The following CDH4 variants were observed in gnomAD, a reference collection of about 807,000 sequenced individuals.
CDH4 encodes cadherin-4.
In CDH4, 33 loss-of-function variants were observed where a neutral mutation model predicts 86.0. That is an observed-to-expected ratio of 0.38 (90% CI 0.29 to 0.51). The LOEUF (loss-of-function observed/expected upper bound fraction) is 0.51. Ranked by LOEUF, CDH4 falls within the 20% of genes least tolerant of loss-of-function variation. CDH4 has a pLI of 0.86. For missense variants in CDH4, 1,114 were observed against 1,307.4 expected (o/e 0.85, Z 2.28); for synonymous variants, 555 against 549.4 (o/e 1.01, Z -0.14).
chr20:61,765,776 A>G (rs1438890579), intron 3 of CDH4, among the ~76,000 whole-genome samples: 2 of 152,148 alleles, frequency 1.3e-5, no homozygotes, highest in Non-Finnish European at 2.9e-5. Context: ...CCAAAGCCCC[A>G]GGTGCCTGTG....
chr20:61,692,001 G>A (rs942660502), intron 2 of CDH4, among the ~76,000 whole-genome samples: 2 of 152,208 alleles, frequency 1.3e-5, no homozygotes, highest in Non-Finnish European at 1.5e-5. Context: ...TTTTTGCCAA[G>A]GACGTAAAAT....
chr20:61,365,859 G>A (rs2084808569), intron 2 of CDH4, among the ~76,000 whole-genome samples: 1 of 152,210 alleles, frequency 6.6e-6, no homozygotes, highest in South Asian at 2.1e-4. Context: ...TTGCTCCTGA[G>A]ATCCAAGGCA....
chr20:61,505,179 G>A (rs1282027385), intron 2 of CDH4, among the ~76,000 whole-genome samples: 1 of 152,154 alleles, frequency 6.6e-6, no homozygotes, highest in Non-Finnish European at 1.5e-5. Flanking sequence ...ATTGTGGGGT[G>A]TTTCACCGTT....
intron 3 of CDH4, 63 bp from the exon 4 acceptor site, chr20:61,772,940 A>G (rs2088792359): frequency 6.8e-7 from 1 of 1,478,854 alleles, no homozygotes; most frequent in East Asian, 2.3e-5. Context: ...AGCAGATGCC[A>G]TTTTCCTCTG....
intron 2 of CDH4, among the ~76,000 whole-genome samples, chr20:61,279,733 C>T (rs2084248654): frequency 6.6e-6 from 1 of 152,158 alleles, no homozygotes; most frequent in Admixed American, 6.5e-5. Flanking sequence ...GCAGTCTGGA[C>T]CTCGATGTGC....
chr20:61,356,000 C>G (rs1286934615), intron 2 of CDH4, among the ~76,000 whole-genome samples: 1 of 152,242 alleles, frequency 6.6e-6, no homozygotes, highest in Non-Finnish European at 1.5e-5. Flanking sequence ...GTTTATCATG[C>G]ACTTGGTTAA....
At chr20:61,523,706 C>T (rs2085889981) in intron 2 of CDH4, among the ~76,000 whole-genome samples, 1 of 152,246 alleles carries the variant, frequency 6.6e-6, no homozygotes, top group Non-Finnish European at 1.5e-5. Flanking sequence ...TTCCGCCGCC[C>T]ATTTAGGGAA....
At chr20:61,720,093 G>A (rs943849035) in intron 2 of CDH4, among the ~76,000 whole-genome samples, 5 of 151,976 alleles carry the variant, frequency 3.3e-5, no homozygotes, top group Non-Finnish European at 1.5e-5. Flanking sequence ...GGGGGTTGGG[G>A]AGTGCCGCCT....
At chr20:61,266,563 G>A (rs762280378) in intron 2 of CDH4, among the ~76,000 whole-genome samples, 20 of 151,826 alleles carry the variant, frequency 1.3e-4, no homozygotes, top group Non-Finnish European at 2.6e-4. Context: ...CCCGACTTCC[G>A]CTTCCAGGAA....
chr20:61,453,481 A>C (rs1320956526), intron 2 of CDH4, among the ~76,000 whole-genome samples: 1 of 152,032 alleles, frequency 6.6e-6, no homozygotes, highest in Non-Finnish European at 1.5e-5. Context: ...TGGGAGGAGG[A>C]TGCTATTACC....
At chr20:61,535,999 C>T (rs1014599212) in intron 2 of CDH4, among the ~76,000 whole-genome samples, 1 of 152,168 alleles carries the variant, frequency 6.6e-6, no homozygotes. Context: ...ACCCAGCAGA[C>T]CCCACACTGC....
chr20:61,743,198 G>T (rs983731759), intron 2 of CDH4, among the ~76,000 whole-genome samples: 3 of 152,196 alleles, frequency 2.0e-5, no homozygotes, highest in East Asian at 1.9e-4. Flanking sequence ...AGGCAAGAGT[G>T]GGGGGAACTG....
chr20:61,709,565 T>C lies in CDH4; in HGVS notation c.170-33998T>C, dbSNP rs1305515051. On this transcript the variant is annotated intron_variant, in intron 2 of 15. Coordinates refer to ENST00000614565, the MANE Select transcript of CDH4 (RefSeq NM_001794.5). This position sits in a 1 kb window ranked among gnomAD's most constrained non-coding sequence, Gnocchi z 4.8. ...TGCTGGGATTACAGGCATGAGCCACTGTGCCTGGCAATTTTTGAATGACAA... is the reference window on the plus strand; with the variant it reads ...TGCTGGGATTACAGGCATGAGCCACCGTGCCTGGCAATTTTTGAATGACAA... Among the ~76,000 whole-genome samples the C allele has an allele frequency of 6.6e-6, 1 of 151,756 alleles. No individual in the cohort carries two copies. Among genetic ancestry groups the C allele is most frequent in the East Asian group, 1.9e-4 (1 of 5,182 alleles).
intron 2 of CDH4, among the ~76,000 whole-genome samples, chr20:61,332,338 T>C (rs2084586873): frequency 6.6e-6 from 1 of 151,922 alleles, no homozygotes; most frequent in Non-Finnish European, 1.5e-5. Flanking sequence ...CCCTAGAGAG[T>C]CCGGGAAACC....
At chr20:61,576,166 G>A (rs905218454) in intron 2 of CDH4, among the ~76,000 whole-genome samples, 1 of 152,204 alleles carries the variant, frequency 6.6e-6, no homozygotes. Context: ...TGGTAGCGTG[G>A]CTTCTCAGTG....
chr20:61,841,217 C>G (rs1000862719), intron 4 of CDH4, among the ~76,000 whole-genome samples: 4 of 152,218 alleles, frequency 2.6e-5, no homozygotes, highest in African/African-American at 9.6e-5. Context: ...TCTCCTAACC[C>G]AAAGCCAAAG....
intron 2 of CDH4, among the ~76,000 whole-genome samples, chr20:61,400,048 G>A (rs1055689010): frequency 5.3e-5 from 8 of 152,318 alleles, no homozygotes; most frequent in African/African-American, 1.9e-4. Flanking sequence ...TGGGCAGCAC[G>A]TTTTGGGACA....
intron 2 of CDH4, among the ~76,000 whole-genome samples, chr20:61,435,438 A>G (rs2085275321): frequency 6.6e-6 from 1 of 152,168 alleles, no homozygotes; most frequent in Admixed American, 6.5e-5. Context: ...TGCTGGGCTC[A>G]CTGCTCTCCA....
At chr20:61,601,019 T>C (rs540395211) in intron 2 of CDH4, among the ~76,000 whole-genome samples, 1 of 152,296 alleles carries the variant, frequency 6.6e-6, no homozygotes, top group South Asian at 2.1e-4. Context: ...CCCTTGTGTG[T>C]TAGTCTGTTC....
Sources: gnomAD v4.1 joint callset for allele counts (sites outside exome capture counted in the v4.1 genomes callset) on GRCh38, gnomAD v4.1.1 for gene constraint, Gnocchi (gnomAD v3.1) non-coding constraint, MANE v1.5 for transcripts, NCBI Gene and HGNC (gene_info 2026-07-23, HGNC 2026-07-21) for gene names.